Variants in PREP observed in about 807,000 individuals in gnomAD.
PREP encodes the protein prolyl endopeptidase.
In PREP, 29 loss-of-function variants were observed where a neutral mutation model predicts 87.6. That is an observed-to-expected ratio of 0.33 (90% CI 0.25 to 0.45). The LOEUF (loss-of-function observed/expected upper bound fraction) is 0.45, where lower values mean the gene tolerates loss of function less well. Among genes scored for constraint, PREP ranks in the 20% least tolerant of loss-of-function variants. The pLI is 1.00. For missense variants in PREP, 695 were observed against 886.5 expected, an observed-to-expected ratio of 0.78 and a Z score of 2.74; for synonymous variants, 337 against 328.6, an observed-to-expected ratio of 1.03 and a Z score of -0.28.
intron 7 of PREP, among the ~76,000 whole-genome samples, chr6:105,350,268 A>G (rs1382785150): frequency 6.6e-6 from 1 of 152,200 alleles, no homozygotes; most frequent in Non-Finnish European, 1.5e-5. Flanking sequence ...AACCCTGCTA[A>G]GTCCTTTTCT....
chr6:105,279,562 GAGCTCT>G (rs1039782054), intron 14 of PREP, among the ~76,000 whole-genome samples: 24 of 152,152 alleles, frequency 1.6e-4, no homozygotes, highest in Admixed American at 9.2e-4. Context: ...TTCAAACTTG[GAGCTCT>G]AGCTCTTTTT....
At chr6:105,376,469 T>C (rs995129001) in intron 3 of PREP, among the ~76,000 whole-genome samples, 1 of 152,244 alleles carries the variant, frequency 6.6e-6, no homozygotes, top group African/African-American at 2.4e-5. Context: ...ATTCAAATCC[T>C]GTATTGTAAT....
intron 7 of PREP, among the ~76,000 whole-genome samples, chr6:105,333,876 G>A (rs559789719): frequency 6.6e-6 from 1 of 152,256 alleles, no homozygotes; most frequent in South Asian, 2.1e-4. Context: ...TTCTACAGCA[G>A]TGGCTTCCAA....
intron 10 of PREP, among the ~76,000 whole-genome samples, chr6:105,320,201 GA>G (rs1385282995): frequency 6.6e-6 from 1 of 152,104 alleles, no homozygotes; most frequent in Non-Finnish European, 1.5e-5. Context: ...TAAAAAGCAG[GA>G]AAAAGATGAA....
chr6:105,346,079 G>A (rs536639272), intron 7 of PREP, among the ~76,000 whole-genome samples: 27 of 151,822 alleles, frequency 1.8e-4, no homozygotes, highest in African/African-American at 6.3e-4. Context: ...ATTCTTTTTC[G>A]TTTTTCTGCA....
In PREP at chr6:105,281,778, C is replaced by T. The variant is rs780337515; in HGVS notation, c.1806G>A (p.Ser602=). Residue 602 remains serine, a synonymous_variant, in exon 14 of 15, where the codon TCG becomes TCA. Transcript: ENST00000652536. The part of the protein sequence containing the change: ...GHAWTTDYGC[S]DSKQHFEWLV... ...GCCATTCAAAGTGTTGTTTGCTGTCCGAGCACCCATAATCAGTGGTCCAAG... is the reference window on the plus strand; with the variant it reads ...GCCATTCAAAGTGTTGTTTGCTGTCTGAGCACCCATAATCAGTGGTCCAAG... 1.9e-5 allele frequency: 31 copies of T among 1,613,850 alleles called. No individual in the cohort carries two copies. Among genetic ancestry groups the T allele is most frequent in the Non-Finnish European group, 1.9e-5 (23 of 1,179,970 alleles).
rs767778986 is a variant in PREP at position 105,285,525 on chromosome 6, T to C, written c.1510A>G (p.Ile504Val). The change falls in exon 12 of 15, where the codon ATC (isoleucine) becomes GTC (valine). Residue 504 changes from isoleucine to valine, a missense_variant. Around this residue, in one of 5 missense-constraint regions of PREP, gnomAD observed 517 missense variants for 620.3 expected, o/e 0.83. Coordinates refer to ENST00000652536, the MANE Select transcript of PREP (RefSeq NM_002726.5). ...HMGGILAVANIRGGGEYGETW... is the reference protein window; with the variant it reads ...HMGGILAVANVRGGGEYGETW... Reference sequence around the variant, plus strand: ...TCTCCATATTCGCCACCTCCTCTGATGTTGGCCACTGCCAGGATACCACCC... The same window carrying C: ...TCTCCATATTCGCCACCTCCTCTGACGTTGGCCACTGCCAGGATACCACCC... 1 of 1,614,130 alleles carries C rather than the reference T, an allele frequency of 6.2e-7. No homozygotes were observed. The highest frequency in any genetic ancestry group is 8.5e-7 in the Non-Finnish European group (1 of 1,180,008).
At chr6:105,371,155 T>C (rs1772530167) in intron 5 of PREP, among the ~76,000 whole-genome samples, 1 of 152,202 alleles carries the variant, frequency 6.6e-6, no homozygotes, top group African/African-American at 2.4e-5. Context: ...TGTATTTTCC[T>C]CTCAATTTTG....
intron 6 of PREP, among the ~76,000 whole-genome samples, chr6:105,364,742 T>C (rs531315579): frequency 6.6e-5 from 10 of 152,306 alleles, no homozygotes; most frequent in African/African-American, 1.9e-4. Context: ...ACAGATTAAG[T>C]GACTTGCCCA....
chr6:105,277,427 T>A lies in PREP; in HGVS notation c.*717A>T, dbSNP rs574850238. On this transcript the variant is annotated 3_prime_UTR_variant, in exon 15 of 15. Coordinates refer to ENST00000652536, the MANE Select transcript of PREP (RefSeq NM_002726.5). ...ATCTGAATTTTCCAGCCCAGTGATT[T>A]TTGAAAGGAGGCATCCAAACCAAAA... 6.6e-6 allele frequency: 1 copy of A among 152,284 alleles called. No individual in the cohort carries two copies. Among genetic ancestry groups the A allele is most frequent in the South Asian group, 2.1e-4 (1 of 4,822 alleles). The allele number at this position is 152,284 out of a possible 1,614,324, so 9.4% of individuals were successfully genotyped here.
At chr6:105,318,942 A>T (rs1460517382) in intron 10 of PREP, among the ~76,000 whole-genome samples, 1 of 152,206 alleles carries the variant, frequency 6.6e-6, no homozygotes, top group Non-Finnish European at 1.5e-5. Flanking sequence ...TTGAAACACG[A>T]ATTAATGTTC....
chr6:105,299,529 G>T (rs2114625099), intron 10 of PREP, among the ~76,000 whole-genome samples: 1 of 152,216 alleles, frequency 6.6e-6, no homozygotes, highest in Admixed American at 6.5e-5. Context: ...AACCCAGAAG[G>T]CAGAAGTTGC....
At chr6:105,376,078 A>C (rs753620558) in intron 4 of PREP, 47 bp downstream of exon 4, 2 of 1,579,642 alleles carry the variant, frequency 1.3e-6, no homozygotes, top group South Asian at 2.4e-5. Flanking sequence ...TCAGAGCTCC[A>C]AGTGAGGGTC....
At chr6:105,315,591 G>GAACTTTGA (rs1436055017) in intron 10 of PREP, among the ~76,000 whole-genome samples, 1 of 152,178 alleles carries the variant, frequency 6.6e-6, no homozygotes, top group Admixed American at 6.5e-5. Flanking sequence ...TGGAACTTTG[G>GAACTTTGA]AACTTTGAAA....
intron 6 of PREP, among the ~76,000 whole-genome samples, chr6:105,364,811 C>A (rs1220757731): frequency 6.6e-6 from 1 of 152,236 alleles, no homozygotes; most frequent in African/African-American, 2.4e-5. Context: ...CCCACTCTAA[C>A]ACTGGCTCTC....
chr6:105,375,518 C>G (rs1772666094), intron 4 of PREP, among the ~76,000 whole-genome samples: 1 of 152,202 alleles, frequency 6.6e-6, no homozygotes, highest in African/African-American at 2.4e-5. Flanking sequence ...AGGAGGTTAT[C>G]TTAGGGGCAG....
intron 10 of PREP, among the ~76,000 whole-genome samples, chr6:105,292,016 T>C (rs1011349842): frequency 6.6e-6 from 1 of 152,242 alleles, no homozygotes; most frequent in Non-Finnish European, 1.5e-5. Context: ...GCTCCACTTC[T>C]AATTCTCGTT....
Position 105,278,422 on chromosome 6 carries a change from T to C in PREP, c.1855A>G (p.Asn619Asp). The C allele has an allele frequency of 6.2e-7, 1 of 1,612,350 alleles. No homozygotes were observed. Among genetic ancestry groups the C allele is most frequent in the Non-Finnish European group, 8.5e-7 (1 of 1,178,486 alleles). Residue 619 changes from asparagine to aspartate, a missense_variant, in exon 15 of 15, where the codon AAT (asparagine) becomes GAT (aspartate). By Grantham distance (23) the Asn-to-Asp change is conservative. This residue lies in a region of PREP where 121 missense variants were observed against 154.8 expected (regional missense o/e 0.78). Transcript: ENST00000652536. The surrounding 1 kb of genome is among the most constrained non-coding windows in gnomAD (Gnocchi z 4.2). ...EWLVKYSPLH[N>D]VKLPEADDIQ... The stretch of plus-strand genomic sequence containing the variant: ...TCATCTGCTTCTGGTAACTTCACAT[T>C]ATGCAATGGAGAGTATCTGGAAGGC...
chr6:105,322,124 A>G (rs753890444), intron 10 of PREP: 3 of 211,762 alleles, frequency 1.4e-5, no homozygotes, highest in Non-Finnish European at 2.4e-5. Flanking sequence ...AAGTGAACAG[A>G]TGTTAGAAAA....
Sources: allele counts gnomAD v4.1 joint callset (sites outside exome capture counted in the v4.1 genomes callset), GRCh38; gene constraint gnomAD v4.1.1; regional missense constraint gnomAD v4.1.1; non-coding constraint Gnocchi (gnomAD v3.1); transcripts MANE v1.5; gene names NCBI Gene and HGNC (gene_info 2026-07-23, HGNC 2026-07-21).